RBM25: variants seen among roughly 807,000 people sequenced by gnomAD.
RBM25 encodes the protein RNA binding motif protein 25, also known as RNA-binding protein 25.
Under a neutral mutation model 120.7 loss-of-function variants are expected in RBM25, and 19 were observed. The observed-to-expected ratio is 0.16, with a 90% confidence interval of 0.11 to 0.23. The LOEUF is 0.23. RBM25 is among the 10% of genes least tolerant of loss of function. The pLI is 1.00. For synonymous variants in RBM25, 390 were observed against 326.7 expected, an observed-to-expected ratio of 1.19 and a Z score of -2.09; for missense variants, 605 against 1,041.5, an observed-to-expected ratio of 0.58 and a Z score of 5.77.
chr14:73,080,925 A>G (rs1263421539), intron 4 of RBM25, among the ~76,000 whole-genome samples: 1 of 145,198 alleles, frequency 6.9e-6, no homozygotes, highest in Non-Finnish European at 1.5e-5. Context: ...CCGGGGTTCA[A>G]GCAATTCTCC....
At chr14:73,115,963 A>G (rs748656798) in intron 18 of RBM25, among the ~76,000 whole-genome samples, 18 of 152,170 alleles carry the variant, frequency 1.2e-4, no homozygotes, top group Non-Finnish European at 2.2e-4. Context: ...GAAATACTGG[A>G]AATAGTTGCC....
rs1160534113 is a variant in RBM25 at position 73,103,619 on chromosome 14, G to T, written c.1154+141G>T. The T allele has an allele frequency of 4.7e-6, 6 of 1,282,488 alleles. No individual in the cohort carries two copies. The Admixed American group carries it at 1.6e-4, about 35-fold the overall frequency. The allele number at this position is 1,282,488 out of a possible 1,614,324, so 79.4% of individuals were successfully genotyped here. A position where few individuals can be genotyped will look rare whatever the true frequency, so the allele number is the denominator to read the frequency against. The stretch of plus-strand genomic sequence containing the variant: ...CTCACTCTGTCACTCAGCCTGGACT[G>T]CAGTGGCTGAGCAATCTCCGCCTCC... On this transcript the variant is annotated intron_variant, in intron 10 of 18. Coordinates refer to ENST00000261973, the MANE Select transcript of RBM25 (RefSeq NM_021239.3).
intron 1 of RBM25, among the ~76,000 whole-genome samples, chr14:73,062,802 A>ATTC (rs1895034583): frequency 1.3e-5 from 2 of 151,004 alleles, no homozygotes; most frequent in Admixed American, 6.6e-5. Flanking sequence ...GAGGTAGGGA[A>ATTC]CCCTTCTATC....
intron 6 of RBM25, among the ~76,000 whole-genome samples, chr14:73,096,525 A>G (rs182810995): frequency 1.3e-5 from 2 of 152,292 alleles, no homozygotes; most frequent in Middle Eastern, 3.4e-3. Context: ...AGCTATCACA[A>G]TTAACTTAAA....
At position 73,107,731 on chromosome 14, in the gene RBM25, T is replaced by A. The variant is rs1433937214; in HGVS notation, c.1468-95T>A. ...AAGTCTCCCTCTTACTCTTGGTTTA[T>A]GTCTGGGTCAGAAAAATCTGTTTAC... On this transcript the variant is annotated intron_variant, in intron 12 of 18. Transcript: ENST00000261973. The A allele has an allele frequency of 5.7e-6, 5 of 882,054 alleles. No individual in the cohort carries two copies. The East Asian group carries it at 1.3e-4, about 22-fold the overall frequency. 54.6% of individuals were successfully genotyped at this position (882,054 alleles called of 1,614,324 possible).
At position 73,077,389 on chromosome 14, in the gene RBM25, T is replaced by C. The variant is rs1895448483; in HGVS notation, c.177T>C (p.Ser59=). Residue 59 remains serine (S), a synonymous_variant, in exon 4 of 19, where the codon TCT becomes TCC. Transcript: ENST00000261973. ...PAPTVLVPTV[S]MVGKHLGARK... is the part of the protein sequence containing the mutation. ...CTTAGGTCTTAGTACCCACTGTGTC[T>C]ATGGTTGGAAAGCATTTGGGCGCAA... 1 of 1,613,108 alleles carries C rather than the reference T, an allele frequency of 6.2e-7. No individual in the cohort carries two copies. The highest frequency in any genetic ancestry group is 1.3e-5 in the African/African-American group (1 of 74,898).
In RBM25 at chr14:73,110,987, C is replaced by T. The variant is rs774280905; in HGVS notation, c.1849C>T (p.Leu617=). 6.2e-7 allele frequency: 1 copy of T among 1,613,814 alleles called. No homozygotes were observed. The highest frequency in any genetic ancestry group is 2.2e-5 in the East Asian group (1 of 44,902). The change falls in exon 15 of 19, where the codon CTG becomes TTG. Residue 617 remains leucine (L), a synonymous_variant. Transcript: ENST00000261973. ...PEQKPCLKPT[L]RPISSAPSVS... ...GCAAAAGCCTTGTCTGAAACCTACTCTGAGGCCCATCAGCTCTGCTCCATC... is the reference window on the plus strand; with the variant it reads ...GCAAAAGCCTTGTCTGAAACCTACTTTGAGGCCCATCAGCTCTGCTCCATC...
chr14:73,068,324 G>T (rs1226379453), intron 1 of RBM25: 2 of 755,006 alleles, frequency 2.6e-6, no homozygotes, highest in Middle Eastern at 2.5e-4. Flanking sequence ...TTCATGGTTG[G>T]AAGGTGTGCC....
chr14:73,063,374 C>G lies in RBM25; in HGVS notation c.-16+4669C>G, dbSNP rs1421463610. On this transcript the variant is annotated intron_variant, in intron 1 of 18. Transcript: ENST00000261973. ...CTGTGTTAGCCAGGATGGTCTCGAT[C>G]TCCTGACTTCGTGATCCACCCACCT... Among the ~76,000 whole-genome samples, 3 of 151,282 alleles carry G rather than the reference C, an allele frequency of 2.0e-5. 1 individual carries two copies. The highest frequency in any genetic ancestry group is 1.3e-4 in the Admixed American group (2 of 15,138).
rs1566583040 is a variant in RBM25, at chr14:73,071,624, T to C, written c.-15-3T>C. On this transcript the variant is annotated splice_region_variant and splice_polypyrimidine_tract_variant and intron_variant, in intron 1 of 18. Transcript: ENST00000261973. ...ATGATTTGTCATGTCCTTTTTTCTT[T>C]AGACTGCTGCAGTAAGAATGTCTTT... 1.9e-6 allele frequency: 3 copies of C among 1,576,160 alleles called. No homozygotes were observed. The highest frequency in any genetic ancestry group is 2.2e-5 in the South Asian group (2 of 89,996).
intron 1 of RBM25, among the ~76,000 whole-genome samples, chr14:73,060,151 G>A (rs932922648): frequency 6.9e-6 from 1 of 145,950 alleles, no homozygotes; most frequent in African/African-American, 2.5e-5. Flanking sequence ...CGATTCGCCT[G>A]CCTCAGCCTC....
At chr14:73,111,925 C>T in intron 16 of RBM25, 123 bp downstream of exon 16, 2 of 1,275,482 alleles carry the variant, frequency 1.6e-6, no homozygotes, top group Non-Finnish European at 2.1e-6. Flanking sequence ...GGATGATCAT[C>T]TTGACACCAA....
chr14:73,076,388 G>C lies in RBM25; in HGVS notation c.156+20G>C, dbSNP rs772639104. 71 of 1,592,604 alleles carry C rather than the reference G, an allele frequency of 4.5e-5. No homozygotes were observed. Among genetic ancestry groups the C allele is most frequent in the Non-Finnish European group, 6.0e-5 (70 of 1,160,872 alleles). ...CCAACTGTAAGTATAACTTAAAGGA[G>C]GAATCATGAGTTATGGTAGTGCTAG... On this transcript the variant is annotated intron_variant, in intron 3 of 18. Transcript: ENST00000261973.
Position 73,090,888 on chromosome 14 carries a change from ATTATATTTTAT to A in RBM25, c.543+2741_543+2751del, listed in dbSNP as rs577983609. 3.5e-3 allele frequency among the ~76,000 whole-genome samples: 534 copies of A among 152,308 alleles called. 3 individuals carry two copies. Among genetic ancestry groups the A allele is most frequent in the African/African-American group, 0.012 (496 of 41,574 alleles). On this transcript the variant is annotated intron_variant, in intron 6 of 18. Transcript: ENST00000261973. ...TATCCTCACCCTGCTTCATAAGGAA[ATTATATTTTAT>A]TTATATTTTATTTCAAATCAGTAAT...
At chr14:73,111,397 A>G (rs1303897408) in intron 15 of RBM25, 131 bp from the exon 16 acceptor site, 6 of 1,128,074 alleles carry the variant, frequency 5.3e-6, no homozygotes, top group African/African-American at 3.1e-5. Context: ...GTAGTGAGTT[A>G]TTTTTTACAG....
chr14:73,083,651 C>T (rs1338565030), intron 5 of RBM25, 100 bp downstream of exon 5: 6 of 781,902 alleles, frequency 7.7e-6, no homozygotes, highest in East Asian at 3.2e-5. Context: ...ATCAGTAAGA[C>T]TTATTTTATT....
chr14:73,067,814 T>C (rs985233824), intron 1 of RBM25, among the ~76,000 whole-genome samples: 7 of 151,854 alleles, frequency 4.6e-5, no homozygotes, highest in Non-Finnish European at 1.0e-4. Flanking sequence ...GGTTTCACCG[T>C]GGTCTCGATG....
intron 13 of RBM25, 141 bp downstream of exon 13, chr14:73,108,040 C>T (rs888842016): frequency 4.9e-5 from 32 of 655,420 alleles, no homozygotes; most frequent in Middle Eastern, 2.7e-4. Context: ...AATTCTATAG[C>T]TAATACACTG....
intron 7 of RBM25, 91 bp downstream of exon 7, chr14:73,097,191 C>CTTTTTTT (rs202085217): frequency 2.1e-5 from 8 of 375,714 alleles, no homozygotes; most frequent in African/African-American, 2.8e-5. Flanking sequence ...TTTCTTTTTT[C>CTTTTTTT]TTTTCTTTTT....
Sources: allele counts gnomAD v4.1 joint callset (sites outside exome capture counted in the v4.1 genomes callset), GRCh38; gene constraint gnomAD v4.1.1; transcripts MANE v1.5; gene names NCBI Gene and HGNC (gene_info 2026-07-23, HGNC 2026-07-21).